Variants in PFKFB3 observed in about 807,000 individuals in gnomAD.
PFKFB3 encodes the protein 6-phosphofructo-2-kinase/fructose-2,6-biphosphatase 3.
Under a neutral mutation model 68.0 loss-of-function variants are expected in PFKFB3, and 33 were observed. The observed-to-expected ratio is 0.49, with a 90% CI of 0.37 to 0.65. PFKFB3 has a LOEUF of 0.65. Ranked by LOEUF, PFKFB3 falls within the 30% of genes least tolerant of loss-of-function variation. PFKFB3 has a pLI of 0.00. For missense variants in PFKFB3, 586 were observed against 712.2 expected (o/e 0.82, Z 2.02); for synonymous variants, 315 against 288.2 (o/e 1.09, Z -0.94).
rs981915577 is a variant in PFKFB3, at chr10:6,203,065, G to T, written c.-196G>T. 1.4e-6 allele frequency: 2 copies of T among 1,398,130 alleles called. No individual in the cohort carries two copies. The highest frequency in any genetic ancestry group is 3.1e-5 in the African/African-American group (2 of 65,530). The allele number at this position is 1,398,130 out of a possible 1,614,324, so 86.6% of individuals were successfully genotyped here. A position where few individuals can be genotyped will look rare whatever the true frequency, so the allele number is the denominator to read the frequency against. On this transcript the variant is annotated 5_prime_UTR_variant, in exon 1 of 15. Coordinates refer to ENST00000379775, the MANE Select transcript of PFKFB3 (RefSeq NM_004566.4). ...CATCCCCAGCCTCGCTACCCTCGCA[G>T]CACACGTCGAGCCCCGCACAGGCGA...
At chr10:6,163,292 A>G (rs988225340) in intron 1 of PFKFB3, among the ~76,000 whole-genome samples, 2 of 152,204 alleles carry the variant, frequency 1.3e-5, no homozygotes, top group African/African-American at 4.8e-5. Flanking sequence ...GAACTCCATC[A>G]CGAATATTTT....
Position 6,229,208 on chromosome 10 carries a change from G to T in PFKFB3, c.1515+2843G>T. ...TTGGCATGGCGCTCAGATTTTGGTGGCAAAGGGGTGAAGGGCCAGAGGATG... is the reference window on the plus strand; with the variant it reads ...TTGGCATGGCGCTCAGATTTTGGTGTCAAAGGGGTGAAGGGCCAGAGGATG... On this transcript the variant is annotated intron_variant, in intron 14 of 14. Transcript: ENST00000379775. The surrounding 1 kb of genome is among the most constrained non-coding windows in gnomAD (Gnocchi z 4.3). The T allele has an allele frequency of 2.0e-6, 1 of 491,034 alleles. No homozygotes were observed. Among genetic ancestry groups the T allele is most frequent in the South Asian group, 1.5e-5 (1 of 66,944 alleles). The allele number at this position is 491,034 out of a possible 1,614,324, so 30.4% of individuals were successfully genotyped here.
intron 1 of PFKFB3, among the ~76,000 whole-genome samples, chr10:6,151,478 C>T (rs905623707): frequency 1.3e-5 from 2 of 152,138 alleles, no homozygotes; most frequent in Non-Finnish European, 2.9e-5. Context: ...GGCTGTGGCC[C>T]CTTGCATTGG....
At chr10:6,156,153 G>A (rs1197963641) in intron 1 of PFKFB3, among the ~76,000 whole-genome samples, 1 of 151,818 alleles carries the variant, frequency 6.6e-6, no homozygotes, top group Admixed American at 6.6e-5. Context: ...GTGTGTGTGT[G>A]TGTGTGTGTG....
the PFKFB3 span, among the ~76,000 whole-genome samples, chr10:6,303,943 T>C: frequency 3.9e-5 from 6 of 152,104 alleles, no homozygotes; most frequent in East Asian, 1.2e-3. Flanking sequence ...CCCCACAGTC[T>C]CACCTGTGGC....
downstream of PFKFB3, among the ~76,000 whole-genome samples, chr10:6,255,765 C>T (rs989451425): frequency 9.2e-5 from 14 of 152,274 alleles, no homozygotes; most frequent in African/African-American, 3.1e-4. Context: ...CTCAGAGAAG[C>T]GGACTGGGTA....
At chr10:6,217,082 G>A in intron 5 of PFKFB3, 53 bp from the exon 6 acceptor site, 1 of 1,564,054 alleles carries the variant, frequency 6.4e-7, no homozygotes, top group South Asian at 1.1e-5. Context: ...GTGATGGCAA[G>A]GTTGATCCTT....
chr10:6,180,099 T>C (rs1842665917), intron 1 of PFKFB3, among the ~76,000 whole-genome samples: 1 of 152,010 alleles, frequency 6.6e-6, no homozygotes, highest in African/African-American at 2.4e-5. Context: ...TCCCAGCACT[T>C]TGGGAGGCCA....
At chr10:6,185,498 C>T (rs1842844282) in intron 1 of PFKFB3, among the ~76,000 whole-genome samples, 2 of 152,222 alleles carry the variant, frequency 1.3e-5, no homozygotes, top group East Asian at 1.9e-4. Flanking sequence ...ACGCCAGGGT[C>T]TCCCATCGGC....
chr10:6,204,981 A>G (rs1843588626), intron 1 of PFKFB3, among the ~76,000 whole-genome samples: 1 of 152,206 alleles, frequency 6.6e-6, no homozygotes, highest in Admixed American at 6.5e-5. Context: ...GCGTGCACCA[A>G]GGCGTCCTCC....
chr10:6,230,458 C>G (rs1482907541), intron 14 of PFKFB3, among the ~76,000 whole-genome samples: 2 of 152,174 alleles, frequency 1.3e-5, no homozygotes, highest in East Asian at 3.9e-4. Context: ...ATAATAACTT[C>G]ATAAAGTTGT....
At chr10:6,277,032 C>T in the PFKFB3 span, among the ~76,000 whole-genome samples, 1 of 152,050 alleles carries the variant, frequency 6.6e-6, no homozygotes, top group African/African-American at 2.4e-5. Context: ...AACCACTAAC[C>T]TGTTCCCCAT....
upstream of PFKFB3, among the ~76,000 whole-genome samples, chr10:6,198,156 G>A (rs1272417960): frequency 6.6e-6 from 1 of 150,668 alleles, no homozygotes; most frequent in Non-Finnish European, 1.5e-5. Flanking sequence ...TGAGGCAGGA[G>A]AATCGCTTGA....
At chr10:6,291,546 ACT>A in the PFKFB3 span, among the ~76,000 whole-genome samples, 1 of 145,266 alleles carries the variant, frequency 6.9e-6, no homozygotes, top group South Asian at 2.2e-4. Context: ...AATAAGTGAG[ACT>A]CTGTCTCAAA....
intron 14 of PFKFB3, among the ~76,000 whole-genome samples, chr10:6,231,852 A>G (rs1845768419): frequency 6.7e-6 from 1 of 148,870 alleles, no homozygotes; most frequent in Non-Finnish European, 1.5e-5. Flanking sequence ...GTGGGCACCC[A>G]TCACCTCCTG....
chr10:6,310,069 C>T, the PFKFB3 span, among the ~76,000 whole-genome samples: 1 of 152,094 alleles, frequency 6.6e-6, no homozygotes, highest in African/African-American at 2.4e-5. Context: ...CTGGGGCTGC[C>T]AGAGGACCTG....
the PFKFB3 span, among the ~76,000 whole-genome samples, chr10:6,305,276 G>A: frequency 1.1e-4 from 16 of 141,456 alleles, 1 homozygote; most frequent in African/African-American, 2.6e-4. Context: ...CTCCTGCCTC[G>A]GCCTTGCAAA....
intron 14 of PFKFB3, among the ~76,000 whole-genome samples, chr10:6,246,467 G>C (rs567559925): frequency 6.6e-6 from 1 of 151,454 alleles, no homozygotes; most frequent in Non-Finnish European, 1.5e-5. Context: ...AGCCTCCTGC[G>C]TAGCTGGGAC....
At chr10:6,179,966 G>A (rs1332018619) in intron 1 of PFKFB3, among the ~76,000 whole-genome samples, 2 of 152,116 alleles carry the variant, frequency 1.3e-5, no homozygotes, top group African/African-American at 4.8e-5. Context: ...GGTCGATCCT[G>A]GTGACAGGAT....
Sources: allele counts gnomAD v4.1 joint callset (sites outside exome capture counted in the v4.1 genomes callset), GRCh38; gene constraint gnomAD v4.1.1; non-coding constraint Gnocchi (gnomAD v3.1); transcripts MANE v1.5; gene names NCBI Gene and HGNC (gene_info 2026-07-23, HGNC 2026-07-21).